ANTXR1: variants seen among roughly 807,000 people sequenced by gnomAD.
ANTXR1 encodes ANTXR cell adhesion molecule 1, also known as anthrax toxin receptor 1.
A neutral mutation model predicts 78.1 loss-of-function variants in ANTXR1; 19 were observed. The observed-to-expected ratio is 0.24, with a 90% CI of 0.17 to 0.36. The LOEUF (loss-of-function observed/expected upper bound fraction) is 0.36, where lower values mean the gene tolerates loss of function less well. ANTXR1 is among the 10% of genes least tolerant of loss of function. ANTXR1 has a pLI of 1.00. For missense variants in ANTXR1, 518 were observed against 718.6 expected (o/e 0.72, Z 3.19); for synonymous variants, 273 against 260.5 (o/e 1.05, Z -0.46).
chr2:69,132,676 T>C (rs181463341), intron 12 of ANTXR1, among the ~76,000 whole-genome samples: 155 of 152,348 alleles, frequency 1.0e-3, no homozygotes, highest in African/African-American at 3.6e-3. Context: ...ATCAATCAAG[T>C]GGGTAGCTGT....
intron 1 of ANTXR1, among the ~76,000 whole-genome samples, chr2:69,015,192 A>G (rs1228057100): frequency 6.6e-6 from 1 of 151,626 alleles, no homozygotes; most frequent in Non-Finnish European, 1.5e-5. Context: ...TAGAAATTGA[A>G]TTCAACTTTT....
chr2:69,070,490 C>T lies in ANTXR1; in HGVS notation c.297-157C>T, dbSNP rs4591376. Among the ~76,000 whole-genome samples, 140,697 of 152,288 alleles carry T rather than the reference C, an allele frequency of 0.92. 65,125 individuals carry two copies. Among genetic ancestry groups the T allele is most frequent in the African/African-American group, 0.98 (40,750 of 41,562 alleles). On this transcript the variant is annotated intron_variant, in intron 3 of 17. Coordinates refer to ENST00000303714, the MANE Select transcript of ANTXR1 (RefSeq NM_032208.3). ...ATCCTGTGTTATGGTTGACCCTGAA[C>T]GGATAATATAAAGGCCTTCCCTTTG...
At position 69,220,567 on chromosome 2, in the gene ANTXR1, TTATACTC is replaced by T. The variant is rs1192973742; in HGVS notation, c.1435-24654_1435-24648del. On this transcript the variant is annotated intron_variant, in intron 17 of 17. Coordinates refer to ENST00000303714, the MANE Select transcript of ANTXR1 (RefSeq NM_032208.3). The stretch of plus-strand genomic sequence containing the variant: ...TGTATGTAGAACATAAAAGGCCTCT[TTATACTC>T]TATGATTATGAATTATGATAATCTT... Among the ~76,000 whole-genome samples the T allele has an allele frequency of 3.9e-5, 6 of 152,234 alleles. 1 individual carries two copies. In the South Asian group the frequency reaches 8.3e-4, roughly 21 times the overall value.
At chr2:69,083,320 C>G (rs553429983) in intron 8 of ANTXR1, among the ~76,000 whole-genome samples, 2 of 152,224 alleles carry the variant, frequency 1.3e-5, no homozygotes, top group African/African-American at 4.8e-5. Context: ...AGGCACATTT[C>G]AGCAGCAGCA....
chr2:69,091,349 G>A (rs1257587056), intron 9 of ANTXR1, among the ~76,000 whole-genome samples: 2 of 149,906 alleles, frequency 1.3e-5, no homozygotes, highest in Non-Finnish European at 2.9e-5. Context: ...GCTGAGGAAG[G>A]AGAATCTCTT....
chr2:69,217,208 A>G (rs1675199997), intron 17 of ANTXR1, among the ~76,000 whole-genome samples: 1 of 152,216 alleles, frequency 6.6e-6, no homozygotes, highest in Non-Finnish European at 1.5e-5. Context: ...AAGGACTGAC[A>G]TGCATCTCAC....
intron 10 of ANTXR1, chr2:69,103,297 G>A: frequency 2.7e-6 from 1 of 366,346 alleles, no homozygotes; most frequent in Non-Finnish European, 5.3e-6. Context: ...CTCACTCTCA[G>A]GTGGGAGTGC....
intron 16 of ANTXR1, among the ~76,000 whole-genome samples, chr2:69,184,265 C>G (rs528805864): frequency 1.6e-4 from 25 of 152,206 alleles, no homozygotes; most frequent in Admixed American, 1.2e-3. Flanking sequence ...TGAATTGCCA[C>G]GCATTTCTAT....
chr2:69,104,327 C>G (rs1671735930), intron 10 of ANTXR1, among the ~76,000 whole-genome samples: 1 of 152,170 alleles, frequency 6.6e-6, no homozygotes. Context: ...TCATAAAACC[C>G]ACTTTAGTAG....
chr2:69,056,315 C>T (rs959958209), intron 3 of ANTXR1, among the ~76,000 whole-genome samples: 3 of 152,188 alleles, frequency 2.0e-5, no homozygotes, highest in African/African-American at 7.2e-5. Context: ...TGACTCAGCT[C>T]CTTTACCACC....
intron 13 of ANTXR1, among the ~76,000 whole-genome samples, chr2:69,161,126 A>G (rs1166736074): frequency 6.6e-6 from 1 of 152,186 alleles, no homozygotes; most frequent in African/African-American, 2.4e-5. Flanking sequence ...CTGCTCCTTC[A>G]AGCCTCAGGG....
chr2:69,042,467 C>G (rs966132331), intron 2 of ANTXR1, among the ~76,000 whole-genome samples: 1 of 152,098 alleles, frequency 6.6e-6, no homozygotes, highest in African/African-American at 2.4e-5. Context: ...TGACTTTATC[C>G]CATTGTCTCC....
intron 1 of ANTXR1, among the ~76,000 whole-genome samples, chr2:69,032,786 G>A (rs773533208): frequency 5.9e-5 from 9 of 151,936 alleles, no homozygotes; most frequent in African/African-American, 9.7e-5. Flanking sequence ...TGTGCCTGTC[G>A]AAAAAGGCAG....
intron 13 of ANTXR1, among the ~76,000 whole-genome samples, chr2:69,162,596 C>T (rs1362049225): frequency 1.3e-5 from 2 of 152,008 alleles, no homozygotes; most frequent in Non-Finnish European, 2.9e-5. Context: ...CCCAAATTAC[C>T]AAAAACCCAA....
intron 8 of ANTXR1, among the ~76,000 whole-genome samples, chr2:69,087,262 G>A (rs1434331199): frequency 2.0e-5 from 3 of 152,164 alleles, no homozygotes; most frequent in East Asian, 1.9e-4. Flanking sequence ...CAGGTTTTAG[G>A]CACTGTGCTA....
At chr2:69,210,522 C>CA (rs1675014605) in intron 17 of ANTXR1, among the ~76,000 whole-genome samples, 1 of 152,094 alleles carries the variant, frequency 6.6e-6, no homozygotes, top group Non-Finnish European at 1.5e-5. Flanking sequence ...ATTTGAAAAC[C>CA]AAAAAACCAG....
intron 12 of ANTXR1, chr2:69,146,453 G>T (rs564124255): frequency 1.0e-5 from 9 of 885,392 alleles, no homozygotes; most frequent in Non-Finnish European, 1.2e-5. Context: ...AAGACTCCAC[G>T]TGTGGCTGTT....
chr2:69,093,205 G>C (rs916755254), intron 9 of ANTXR1, among the ~76,000 whole-genome samples: 1 of 152,156 alleles, frequency 6.6e-6, no homozygotes, highest in Admixed American at 6.5e-5. Flanking sequence ...TAAATGTCTT[G>C]ATTCATGTAT....
intron 3 of ANTXR1, among the ~76,000 whole-genome samples, chr2:69,056,378 G>A (rs1388350732): frequency 2.6e-5 from 4 of 151,844 alleles, no homozygotes; most frequent in East Asian, 1.9e-4. Context: ...GATAGCCTCC[G>A]AATGCCTCCT....
Sources: gnomAD v4.1 joint callset for allele counts (sites outside exome capture counted in the v4.1 genomes callset) on GRCh38, gnomAD v4.1.1 for gene constraint, MANE v1.5 for transcripts, NCBI Gene and HGNC (gene_info 2026-07-23, HGNC 2026-07-21) for gene names.